Variants in IL1RL2 observed in about 807,000 individuals in gnomAD.
The protein encoded by IL1RL2 is interleukin 1 receptor like 2, also known as interleukin-1 receptor-like 2.
A neutral mutation model predicts 66.8 loss-of-function variants in IL1RL2; 68 were observed. That is an observed-to-expected ratio of 1.02 (90% CI 0.84 to 1.25). IL1RL2 has a LOEUF of 1.25. Among genes scored for constraint, IL1RL2 ranks in the 50% most tolerant of loss-of-function variants. IL1RL2 has a pLI of 0.00. For synonymous variants in IL1RL2, 305 were observed against 264.6 expected (o/e 1.15, Z -1.48); for missense variants, 729 against 709.3 (o/e 1.03, Z -0.32).
In IL1RL2 at chr2:102,191,951, A is replaced by C; in HGVS notation, c.320A>C (p.His107Pro). The change falls in exon 4 of 12, where the codon CAT becomes CCT. Residue 107 changes from histidine to proline, a missense_variant. Physicochemically the swap from His to Pro is moderately conservative, Grantham distance 77. Coordinates refer to ENST00000264257, the MANE Select transcript of IL1RL2 (RefSeq NM_003854.4). The stretch of plus-strand genomic sequence containing the variant: ...GGTAGAGACAGCTGTCATAGAATAC[A>C]TGTAAACCTAACTGTTTTTGAAAAA... ...IKGRDSCHRI[H>P]VNLTVFEKHW... 1.9e-6 allele frequency: 3 copies of C among 1,612,518 alleles called. No homozygotes were observed. The highest frequency in any genetic ancestry group is 1.3e-5 in the African/African-American group (1 of 74,986).
intron 11 of IL1RL2, among the ~76,000 whole-genome samples, chr2:102,237,358 C>T (rs1420742886): frequency 6.6e-6 from 1 of 152,230 alleles, no homozygotes; most frequent in Non-Finnish European, 1.5e-5. Flanking sequence ...GTGCCCACTG[C>T]CCTCAGGGGG....
intron 10 of IL1RL2, 72 bp from the exon 11 acceptor site, chr2:102,234,825 C>A: frequency 7.3e-7 from 1 of 1,367,636 alleles, no homozygotes; most frequent in Non-Finnish European, 1.0e-6. Context: ...CTGTTTCAAA[C>A]ATTCTCACTA....
chr2:102,220,181 T>C (rs1689979953), intron 8 of IL1RL2, among the ~76,000 whole-genome samples, 164 bp downstream of exon 8: 1 of 152,182 alleles, frequency 6.6e-6, no homozygotes, highest in Admixed American at 6.5e-5. Context: ...CAACAGCTCA[T>C]AATGTTGTTG....
At chr2:102,235,729 C>T (rs1240306684) in intron 11 of IL1RL2, 2 of 985,278 alleles carry the variant, frequency 2.0e-6, no homozygotes, top group African/African-American at 1.7e-5. Context: ...CAGTATTTGT[C>T]CACGCCTGTC....
At chr2:102,201,742 C>T (rs1483908162) in intron 5 of IL1RL2, 27 bp downstream of exon 5, 2 of 1,602,960 alleles carry the variant, frequency 1.2e-6, no homozygotes, top group Non-Finnish European at 1.7e-6. Context: ...ATGCCTGTCG[C>T]CTTGTATTCT....
At chr2:102,213,734 A>G (rs1252550492) in intron 6 of IL1RL2, among the ~76,000 whole-genome samples, 1 of 152,216 alleles carries the variant, frequency 6.6e-6, no homozygotes, top group Non-Finnish European at 1.5e-5. Flanking sequence ...ATTAAAATAT[A>G]CAACTAACCA....
At chr2:102,224,460 G>C (rs34088260) in intron 8 of IL1RL2, among the ~76,000 whole-genome samples, 1 of 151,974 alleles carries the variant, frequency 6.6e-6, no homozygotes, top group Non-Finnish European at 1.5e-5. Context: ...AGTGAAATAA[G>C]CCAGGCACAG....
intron 5 of IL1RL2, among the ~76,000 whole-genome samples, chr2:102,205,393 T>C (rs1451078993): frequency 6.6e-6 from 1 of 152,196 alleles, no homozygotes; most frequent in African/African-American, 2.4e-5. Context: ...TTAATGTCCT[T>C]TTCTTTCTGA....
chr2:102,232,480 T>C lies in IL1RL2; in HGVS notation c.1136-483T>C, dbSNP rs574267163. ...CTGGGATTTCAGGCCTGAGCTATCA[T>C]GCCTGGCTAACTTTTTGAAAATTAT... is the stretch of plus-strand genomic sequence containing the variant. On this transcript the variant is annotated intron_variant, in intron 9 of 11. Coordinates refer to ENST00000264257, the MANE Select transcript of IL1RL2 (RefSeq NM_003854.4). Among the ~76,000 whole-genome samples the C allele has an allele frequency of 6.6e-5, 10 of 152,348 alleles. No individual in the cohort carries two copies. In the East Asian group the frequency reaches 1.9e-3, roughly 29 times the overall value.
chr2:102,207,638 T>G (rs1351385977), intron 5 of IL1RL2, among the ~76,000 whole-genome samples: 1 of 151,904 alleles, frequency 6.6e-6, no homozygotes, highest in African/African-American at 2.4e-5. Context: ...CGCTCTTCCC[T>G]CTCCTCTCCT....
chr2:102,187,328 G>C, intron 1 of IL1RL2: 4 of 1,170,960 alleles, frequency 3.4e-6, no homozygotes, highest in Non-Finnish European at 4.3e-6. Context: ...CTCCTTTCCC[G>C]CTGGCCCTTG....
intron 9 of IL1RL2, among the ~76,000 whole-genome samples, 200 bp downstream of exon 9, chr2:102,226,241 C>T (rs1690599804): frequency 6.6e-6 from 1 of 152,194 alleles, no homozygotes; most frequent in Admixed American, 6.5e-5. Context: ...GGCTTGCAGG[C>T]TCGTAGTGAT....
chr2:102,236,653 C>T (rs963065608), intron 11 of IL1RL2, among the ~76,000 whole-genome samples: 1 of 152,114 alleles, frequency 6.6e-6, no homozygotes, highest in Non-Finnish European at 1.5e-5. Context: ...CACTGTTGTG[C>T]GGCCATCACC....
intron 6 of IL1RL2, among the ~76,000 whole-genome samples, chr2:102,215,841 C>T (rs1030234759): frequency 6.6e-6 from 1 of 152,334 alleles, no homozygotes; most frequent in Middle Eastern, 3.4e-3. Context: ...CCTTATCCAA[C>T]TGACATGCTA....
intron 10 of IL1RL2, among the ~76,000 whole-genome samples, chr2:102,233,752 C>T (rs1360533530): frequency 6.6e-6 from 1 of 152,052 alleles, no homozygotes; most frequent in Non-Finnish European, 1.5e-5. Flanking sequence ...GAAGGGGTCC[C>T]CGGCATGGAG....
At chr2:102,219,749 C>A in intron 7 of IL1RL2, 132 bp from the exon 8 acceptor site, 1 of 824,572 alleles carries the variant, frequency 1.2e-6, no homozygotes, top group Non-Finnish European at 1.9e-6. Flanking sequence ...GGCCAGTCAG[C>A]AAAGTATTTT....
At chr2:102,213,225 A>G (rs2104807575) in intron 6 of IL1RL2, among the ~76,000 whole-genome samples, 1 of 152,348 alleles carries the variant, frequency 6.6e-6, no homozygotes, top group African/African-American at 2.4e-5. Context: ...GTAAGAGTCT[A>G]CATGGTTCGA....
At chr2:102,219,327 A>G (rs910616425) in intron 7 of IL1RL2, among the ~76,000 whole-genome samples, 3 of 152,226 alleles carry the variant, frequency 2.0e-5, no homozygotes, top group African/African-American at 7.2e-5. Context: ...ATCATGAGCC[A>G]TCGGCCTTCA....
At chr2:102,210,087 C>G (rs11673864) in intron 5 of IL1RL2, among the ~76,000 whole-genome samples, 42,627 of 151,906 alleles carry the variant, frequency 0.28, 6,615 homozygotes, top group East Asian at 0.39. Flanking sequence ...ACCAGGGCCT[C>G]GTGAGAAAGC....
Sources: allele counts gnomAD v4.1 joint callset (sites outside exome capture counted in the v4.1 genomes callset), GRCh38; gene constraint gnomAD v4.1.1; transcripts MANE v1.5; gene names NCBI Gene and HGNC (gene_info 2026-07-23, HGNC 2026-07-21).